GLP2R: variants seen among roughly 807,000 people sequenced by gnomAD.
The protein encoded by GLP2R is glucagon like peptide 2 receptor, also known as glucagon-like peptide 2 receptor.
In GLP2R, 59 loss-of-function variants were observed where a neutral mutation model predicts 68.2. That is an observed-to-expected ratio of 0.87 (90% CI 0.70 to 1.07). The LOEUF is 1.07. GLP2R is among the 50% of genes least tolerant of loss of function. GLP2R has a pLI of 0.00. For synonymous variants in GLP2R, 270 were observed against 265.4 expected (o/e 1.02, Z -0.17); for missense variants, 548 against 677.4 (o/e 0.81, Z 2.12).
rs2067278653 is a variant in GLP2R, at chr17:9,890,065, T to C, written c.*360T>C. 1 of 463,978 alleles carries C rather than the reference T, an allele frequency of 2.2e-6. No homozygotes were observed. The allele number at this position is 463,978 out of a possible 1,614,324, so 28.7% of individuals were successfully genotyped here. A position where few individuals can be genotyped will look rare whatever the true frequency, so the allele number is the denominator to read the frequency against. On this transcript the variant is annotated 3_prime_UTR_variant, in exon 13 of 13. Transcript: ENST00000262441. ...CTCTTCCTTTATCCCTTGGGGTGCA[T>C]GCTTTCCATCTGAGGTTGGGTTTAG...
intron 4 of GLP2R, among the ~76,000 whole-genome samples, chr17:9,848,834 C>T (rs1351707366): frequency 6.7e-6 from 1 of 149,256 alleles, no homozygotes; most frequent in African/African-American, 2.5e-5. Context: ...GCTGGGGGTC[C>T]TTATGCATGT....
Position 9,871,721 on chromosome 17 carries a change from C to CTTTTTTT in GLP2R, c.1145+902_1145+908dup, listed in dbSNP as rs372099240. 9.4e-4 allele frequency among the ~76,000 whole-genome samples: 96 copies of CTTTTTTT among 102,286 alleles called. 1 individual carries two copies. The highest frequency in any genetic ancestry group is 3.1e-3 in the African/African-American group (78 of 25,066). 67.1% of individuals were successfully genotyped at this position (102,286 alleles called of 152,430 possible). A position where few individuals can be genotyped will look rare whatever the true frequency, so the allele number is the denominator to read the frequency against. On this transcript the variant is annotated intron_variant, in intron 10 of 12. Coordinates refer to ENST00000262441, the MANE Select transcript of GLP2R (RefSeq NM_004246.3). Reference sequence around the variant, plus strand: ...TTCCTAGTTATTCTTTACTTTCTTTCTTTTTTTTTTTTTTTTTTTTTTGAC... The same window carrying CTTTTTTT: ...TTCCTAGTTATTCTTTACTTTCTTTCTTTTTTTTTTTTTTTTTTTTTTTTTTTTTGAC...
chr17:9,882,283 G>T (rs2067204157), intron 11 of GLP2R, among the ~76,000 whole-genome samples: 1 of 152,184 alleles, frequency 6.6e-6, no homozygotes, highest in Non-Finnish European at 1.5e-5. Flanking sequence ...GGCCGTCTTG[G>T]TGACAAAGAA....
rs149135175 is a variant in GLP2R, at chr17:9,854,967, T to G, written c.611+366T>G. Among the ~76,000 whole-genome samples the G allele has an allele frequency of 2.1e-4, 32 of 152,330 alleles. No individual in the cohort carries two copies. In the East Asian group the frequency reaches 6.2e-3, roughly 29 times the overall value. ...TTTTGTGATGATCAAGGAATGGAGCTGGTCAAGGTTAGATTTCATCACTTT... is the reference window on the plus strand; with the variant it reads ...TTTTGTGATGATCAAGGAATGGAGCGGGTCAAGGTTAGATTTCATCACTTT... On this transcript the variant is annotated intron_variant, in intron 5 of 12. Coordinates refer to ENST00000262441, the MANE Select transcript of GLP2R (RefSeq NM_004246.3).
chr17:9,832,631 T>C (rs2066691014), intron 1 of GLP2R, among the ~76,000 whole-genome samples: 1 of 152,014 alleles, frequency 6.6e-6, no homozygotes, highest in Non-Finnish European at 1.5e-5. Context: ...CTCAGGATGC[T>C]GAGGTGCGAG....
intron 6 of GLP2R, among the ~76,000 whole-genome samples, chr17:9,859,079 T>G (rs963994534): frequency 2.6e-5 from 4 of 152,184 alleles, no homozygotes; most frequent in Non-Finnish European, 5.9e-5. Flanking sequence ...AGCATTTTTC[T>G]TTTTTAAAAA....
Position 9,889,528 on chromosome 17 carries a change from C to T in GLP2R, c.1485C>T (p.Pro495=), listed in dbSNP as rs1377538276. The part of the protein sequence containing the change: ...DGAEKLRKLQ[P]SLNSGRLLHL... ...CTGAGAAGCTTCGGAAGCTGCAGCC[C>T]TCACTTAACAGTGGGCGGCTCCTAC... Residue 495 remains proline, a synonymous_variant, in exon 13 of 13, where the codon CCC becomes CCT. Coordinates refer to ENST00000262441, the MANE Select transcript of GLP2R (RefSeq NM_004246.3). 1.2e-6 allele frequency: 2 copies of T among 1,614,114 alleles called. No homozygotes were observed. The highest frequency in any genetic ancestry group is 2.2e-5 in the East Asian group (1 of 44,892).
At chr17:9,865,196 C>T (rs948290030) in intron 9 of GLP2R, among the ~76,000 whole-genome samples, 3 of 152,196 alleles carry the variant, frequency 2.0e-5, no homozygotes, top group Non-Finnish European at 4.4e-5. Context: ...TGTCCTCTTC[C>T]TCCCTGCAAC....
intron 11 of GLP2R, 21 bp from the exon 12 acceptor site, chr17:9,887,911 C>T: frequency 1.3e-6 from 2 of 1,598,394 alleles, no homozygotes; most frequent in Non-Finnish European, 1.7e-6. Context: ...GATTTTATGC[C>T]ATGTCCTCCT....
At chr17:9,872,622 A>C (rs576539996) in intron 10 of GLP2R, among the ~76,000 whole-genome samples, 3 of 152,290 alleles carry the variant, frequency 2.0e-5, no homozygotes, top group African/African-American at 4.8e-5. Flanking sequence ...TAGACCCTGC[A>C]TTTGAGGAGC....
At position 9,826,269 on chromosome 17, in the gene GLP2R, A is replaced by G. The variant is rs547784314; in HGVS notation, c.189+17A>G. On this transcript the variant is annotated intron_variant, in intron 1 of 12. Transcript: ENST00000262441. Reference sequence around the variant, plus strand: ...ATCAAGCAAGTAAGAGCAGTTCATTATTATTATTATTATCAGTTGTATTTC... The same window carrying G: ...ATCAAGCAAGTAAGAGCAGTTCATTGTTATTATTATTATCAGTTGTATTTC... The G allele has an allele frequency of 2.4e-5, 37 of 1,514,500 alleles. No individual in the cohort carries two copies. The South Asian group carries it at 4.6e-4, about 19-fold the overall frequency. 93.8% of individuals were successfully genotyped at this position (1,514,500 alleles called of 1,614,324 possible).
rs762935156 is a variant in GLP2R at position 9,889,654 on chromosome 17, T to C, written c.1611T>C (p.Asp537=). Residue 537 remains aspartate, a synonymous_variant, in exon 13 of 13, where the codon GAT becomes GAC. Coordinates refer to ENST00000262441, the MANE Select transcript of GLP2R (RefSeq NM_004246.3). ...GCCTGTCCGAGTGCAGTGAGGGGGA[T>C]GTCACCATGGCCAACACCATGGAGG... The part of the protein sequence containing the change: ...GSSLSECSEG[D]VTMANTMEEI... The C allele has an allele frequency of 1.9e-6, 3 of 1,608,344 alleles. No individual in the cohort carries two copies. Among genetic ancestry groups the C allele is most frequent in the African/African-American group, 1.3e-5 (1 of 74,780 alleles).
chr17:9,827,837 C>T (rs1180392879), intron 1 of GLP2R, among the ~76,000 whole-genome samples: 1 of 151,732 alleles, frequency 6.6e-6, no homozygotes, highest in Non-Finnish European at 1.5e-5. Flanking sequence ...TGGTGTGTGC[C>T]TGTAATGCCA....
chr17:9,861,716 A>C (rs1298440353), intron 8 of GLP2R, among the ~76,000 whole-genome samples: 1 of 152,204 alleles, frequency 6.6e-6, no homozygotes, highest in Non-Finnish European at 1.5e-5. Flanking sequence ...TCCAAATAGC[A>C]CACACAAAAA....
intron 4 of GLP2R, among the ~76,000 whole-genome samples, chr17:9,843,223 A>T (rs572182861): frequency 6.6e-6 from 1 of 152,230 alleles, no homozygotes; most frequent in Non-Finnish European, 1.5e-5. Context: ...AAGAATGTTA[A>T]TAAGCCCCCA....
At chr17:9,857,679 A>G in intron 6 of GLP2R, 103 bp downstream of exon 6, 4 of 1,132,252 alleles carry the variant, frequency 3.5e-6, no homozygotes, top group Non-Finnish European at 1.3e-6. Flanking sequence ...AGCGGGAGAT[A>G]AGAGGGTTTC....
At chr17:9,833,333 C>A (rs1349627343) in intron 1 of GLP2R, among the ~76,000 whole-genome samples, 1 of 150,722 alleles carries the variant, frequency 6.6e-6, no homozygotes, top group South Asian at 2.2e-4. Context: ...ATGGTCACCT[C>A]CAGAGCAGAG....
chr17:9,876,950 C>A (rs904082059), intron 10 of GLP2R, among the ~76,000 whole-genome samples: 3 of 152,100 alleles, frequency 2.0e-5, no homozygotes, highest in Admixed American at 1.3e-4. Context: ...TTTGTTTAAT[C>A]CTTGTGACAG....
chr17:9,889,622 G>A lies in GLP2R; in HGVS notation c.1579G>A (p.Gly527Ser), dbSNP rs1436005039. The A allele has an allele frequency of 3.7e-6, 6 of 1,613,236 alleles. No homozygotes were observed. The African/African-American group carries it at 8.0e-5, about 22-fold the overall frequency. Reference sequence around the variant, plus strand: ...ACAGGACCATGCACGCTGGCCCCGGGGCAGCAGCCTGTCCGAGTGCAGTGA... The same window carrying A: ...ACAGGACCATGCACGCTGGCCCCGGAGCAGCAGCCTGTCCGAGTGCAGTGA... ...PQQDHARWPR[G>S]SSLSECSEGD... The change falls in exon 13 of 13, where the codon GGC becomes AGC. Residue 527 changes from glycine (G) to serine (S), a missense_variant. By Grantham distance (56) the Gly-to-Ser change is moderately conservative. Transcript: ENST00000262441.
Sources: gnomAD v4.1 joint callset for allele counts (sites outside exome capture counted in the v4.1 genomes callset) on GRCh38, gnomAD v4.1.1 for gene constraint, MANE v1.5 for transcripts, NCBI Gene and HGNC (gene_info 2026-07-23, HGNC 2026-07-21) for gene names.